RASSF8: variants seen among roughly 807,000 people sequenced by gnomAD.
RASSF8 encodes Ras association domain family member 8, also known as ras association domain-containing protein 8.
In RASSF8, 22 loss-of-function variants were observed where a neutral mutation model predicts 48.5. The ratio of observed to expected loss-of-function variants is 0.45; its 90% CI spans 0.32 to 0.65. The LOEUF (loss-of-function observed/expected upper bound fraction) is 0.65, where lower values mean the gene tolerates loss of function less well. RASSF8 is among the 30% of genes least tolerant of loss of function. The pLI is 0.03. For synonymous variants in RASSF8, 127 were observed against 171.5 expected (o/e 0.74, Z 2.03); for missense variants, 418 against 489.2 (o/e 0.85, Z 1.37).
intron 1 of RASSF8, among the ~76,000 whole-genome samples, chr12:25,962,581 T>C (rs12821650): frequency 2.0e-5 from 3 of 152,106 alleles, no homozygotes; most frequent in Non-Finnish European, 4.4e-5. Flanking sequence ...GATCGTAATA[T>C]CAGTTTGTAT....
At chr12:26,035,890 AATT>A (rs1409518620) in intron 2 of RASSF8, among the ~76,000 whole-genome samples, 2 of 145,684 alleles carry the variant, frequency 1.4e-5, no homozygotes, top group East Asian at 1.9e-4. Flanking sequence ...TATTATATAT[AATT>A]ATAATCATAT....
chr12:25,973,295 T>G (rs1565599445), intron 1 of RASSF8, among the ~76,000 whole-genome samples: 1 of 152,006 alleles, frequency 6.6e-6, no homozygotes, highest in Non-Finnish European at 1.5e-5. Flanking sequence ...GTGGGACATA[T>G]GAAGGGGAAT....
At chr12:25,974,196 T>C (rs900320323) in intron 1 of RASSF8, among the ~76,000 whole-genome samples, 1 of 152,098 alleles carries the variant, frequency 6.6e-6, no homozygotes, top group African/African-American at 2.4e-5. Flanking sequence ...TTATTTATTA[T>C]TGTTTTATTT....
intron 1 of RASSF8, among the ~76,000 whole-genome samples, chr12:25,966,683 C>G (rs997489355): frequency 6.6e-6 from 1 of 152,184 alleles, no homozygotes; most frequent in African/African-American, 2.4e-5. Context: ...ATTTTGAATA[C>G]AAGTGTTTCA....
intron 1 of RASSF8, among the ~76,000 whole-genome samples, chr12:25,965,574 C>T (rs1460005131): frequency 6.6e-6 from 1 of 151,390 alleles, no homozygotes; most frequent in Non-Finnish European, 1.5e-5. Context: ...GTTGGCCAGG[C>T]TTATCTCTCC....
intron 1 of RASSF8, among the ~76,000 whole-genome samples, chr12:25,964,668 A>C (rs888481603): frequency 6.6e-6 from 1 of 152,216 alleles, no homozygotes; most frequent in African/African-American, 2.4e-5. Context: ...ATTCTCTTTA[A>C]TGGATAGATA....
chr12:26,050,517 A>G (rs1943469525), intron 2 of RASSF8, among the ~76,000 whole-genome samples: 1 of 152,184 alleles, frequency 6.6e-6, no homozygotes, highest in Non-Finnish European at 1.5e-5. Context: ...ATCACACAAG[A>G]GGTAGTAGAC....
chr12:25,965,579 C>G (rs1413085353), intron 1 of RASSF8, among the ~76,000 whole-genome samples: 1 of 151,578 alleles, frequency 6.6e-6, no homozygotes. Context: ...CCAGGCTTAT[C>G]TCTCCACCTC....
intron 2 of RASSF8, among the ~76,000 whole-genome samples, chr12:26,006,613 A>T (rs1414097369): frequency 6.6e-6 from 1 of 152,178 alleles, no homozygotes; most frequent in African/African-American, 2.4e-5. Flanking sequence ...TAAACCAGAC[A>T]CTTTGGAGAG....
At chr12:25,988,536 A>G (rs1278248725) in intron 1 of RASSF8, among the ~76,000 whole-genome samples, 1 of 152,218 alleles carries the variant, frequency 6.6e-6, no homozygotes, top group Non-Finnish European at 1.5e-5. Context: ...TAGTACAAAA[A>G]TAGAACTTAA....
At chr12:25,987,994 G>A (rs927409194) in intron 1 of RASSF8, among the ~76,000 whole-genome samples, 2 of 151,602 alleles carry the variant, frequency 1.3e-5, no homozygotes, top group Non-Finnish European at 2.9e-5. Context: ...TGGGACTACA[G>A]GCATGCACTA....
At chr12:25,958,657 C>G (rs987390826), upstream of RASSF8, 12 of 146,082 alleles carry the variant, frequency 8.2e-5, no homozygotes, top group Non-Finnish European at 1.7e-4. Flanking sequence ...CGGCCCGGCC[C>G]GGCCCCCAGC....
intron 2 of RASSF8, among the ~76,000 whole-genome samples, chr12:26,043,543 GCAA>G (rs1248782512): frequency 6.6e-6 from 1 of 152,236 alleles, no homozygotes; most frequent in African/African-American, 2.4e-5. Context: ...AAGTGGATGT[GCAA>G]GGAGGGAGAC....
chr12:25,998,064 A>G (rs985248454), intron 2 of RASSF8, among the ~76,000 whole-genome samples: 1 of 152,220 alleles, frequency 6.6e-6, no homozygotes, highest in Non-Finnish European at 1.5e-5. Flanking sequence ...AGAAATTGCC[A>G]TATCCATTGG....
At chr12:25,960,852 A>G (rs1941215957) in intron 1 of RASSF8, among the ~76,000 whole-genome samples, 1 of 152,180 alleles carries the variant, frequency 6.6e-6, no homozygotes, top group African/African-American at 2.4e-5. Flanking sequence ...AAGGCACTTC[A>G]CTTTGCAGAA....
chr12:25,963,677 G>A (rs948378287), intron 1 of RASSF8, among the ~76,000 whole-genome samples: 1 of 152,122 alleles, frequency 6.6e-6, no homozygotes, highest in African/African-American at 2.4e-5. Context: ...TCCACCTCGG[G>A]GGTTCCCAAA....
intron 3 of RASSF8, among the ~76,000 whole-genome samples, chr12:26,062,093 C>A (rs1265509816): frequency 6.6e-6 from 1 of 152,126 alleles, no homozygotes; most frequent in African/African-American, 2.4e-5. Flanking sequence ...CTTCATTGGG[C>A]TGATAGAATT....
chr12:26,052,170 G>C (rs1943505195), intron 2 of RASSF8, among the ~76,000 whole-genome samples: 1 of 152,030 alleles, frequency 6.6e-6, no homozygotes, highest in African/African-American at 2.4e-5. Flanking sequence ...GTGATTTTTG[G>C]GATTACAAAC....
At chr12:26,012,682 CTTTTT>C (rs775400464) in intron 2 of RASSF8, among the ~76,000 whole-genome samples, 1 of 131,802 alleles carries the variant, frequency 7.6e-6, no homozygotes, top group Non-Finnish European at 1.6e-5. Context: ...GGCCTTTTTT[CTTTTT>C]TTTTTTTTTT....
Sources: allele counts gnomAD v4.1 joint callset (sites outside exome capture counted in the v4.1 genomes callset), GRCh38; gene constraint gnomAD v4.1.1; transcripts MANE v1.5; gene names NCBI Gene and HGNC (gene_info 2026-07-23, HGNC 2026-07-21).